The following SDK1 variants were observed in gnomAD, a reference collection of about 807,000 sequenced individuals.
SDK1 encodes protein sidekick-1.
A neutral mutation model predicts 245.5 loss-of-function variants in SDK1; 157 were observed. The observed-to-expected ratio is 0.64, with a 90% CI of 0.56 to 0.73. SDK1 has a LOEUF of 0.73. Among genes scored for constraint, SDK1 ranks in the 30% least tolerant of loss-of-function variants. The pLI is 0.00. For missense variants in SDK1, 3,583 were observed against 3,002.3 expected, an observed-to-expected ratio of 1.19 and a Z score of -4.52; for synonymous variants, 1,647 against 1,278.5, an observed-to-expected ratio of 1.29 and a Z score of -6.15.
At chr7:4,036,127 G>A (rs568054248) in intron 17 of SDK1, among the ~76,000 whole-genome samples, 9 of 152,236 alleles carry the variant, frequency 5.9e-5, no homozygotes, top group East Asian at 5.8e-4. Context: ...TTTGAAAGCC[G>A]CAATTGACAA....
chr7:3,944,366 C>T (rs942451121), intron 5 of SDK1, among the ~76,000 whole-genome samples: 1 of 152,192 alleles, frequency 6.6e-6, no homozygotes, highest in Non-Finnish European at 1.5e-5. Context: ...AATAGAATTC[C>T]TTTCTCTACT....
At chr7:3,359,122 G>T (rs1780885934) in intron 1 of SDK1, among the ~76,000 whole-genome samples, 1 of 152,134 alleles carries the variant, frequency 6.6e-6, no homozygotes, top group South Asian at 2.1e-4. Flanking sequence ...TGATCACGCA[G>T]GTCAATTGGA....
chr7:3,368,717 C>T (rs1278037240), intron 1 of SDK1, among the ~76,000 whole-genome samples: 2 of 152,134 alleles, frequency 1.3e-5, no homozygotes, highest in East Asian at 1.9e-4. Context: ...ACTGTCTGTG[C>T]CACCTCTGTC....
intron 4 of SDK1, among the ~76,000 whole-genome samples, chr7:3,818,983 A>T (rs958761922): frequency 6.6e-6 from 1 of 152,188 alleles, no homozygotes; most frequent in Non-Finnish European, 1.5e-5. Flanking sequence ...AGAAGACAGG[A>T]TGGGCACACG....
In SDK1 at chr7:3,502,008, A is replaced by G. The variant is rs186739060; in HGVS notation, c.299-117072A>G. Among the ~76,000 whole-genome samples the G allele has an allele frequency of 2.4e-3, 370 of 152,294 alleles. 3 individuals carry two copies. Among genetic ancestry groups the G allele is most frequent in the South Asian group, 0.018 (87 of 4,828 alleles). On this transcript the variant is annotated intron_variant, in intron 1 of 44. Transcript: ENST00000404826. ...AACAGCTGGATTTCTAGTGATAGGC[A>G]AACTTTTAACAAAAATTCCAATTAC...
At chr7:3,539,305 G>T (rs1024360822) in intron 1 of SDK1, among the ~76,000 whole-genome samples, 1 of 152,134 alleles carries the variant, frequency 6.6e-6, no homozygotes, top group Admixed American at 6.5e-5. Flanking sequence ...GAGAGAGTTG[G>T]TGCTTAGTTT....
intron 1 of SDK1, among the ~76,000 whole-genome samples, chr7:3,413,372 G>A (rs985349859): frequency 6.6e-6 from 1 of 152,186 alleles, no homozygotes; most frequent in Non-Finnish European, 1.5e-5. Context: ...TTTCAAATAT[G>A]GATGTGATGT....
chr7:4,110,601 C>G (rs1783275584), intron 22 of SDK1, 62 bp from the exon 23 acceptor site: 1 of 1,219,766 alleles, frequency 8.2e-7, no homozygotes, highest in Non-Finnish European at 1.2e-6. Flanking sequence ...TGCACATGGT[C>G]TACATGGCAG....
At chr7:3,734,114 C>T (rs1034381279) in intron 4 of SDK1, among the ~76,000 whole-genome samples, 1 of 152,190 alleles carries the variant, frequency 6.6e-6, no homozygotes, top group Non-Finnish European at 1.5e-5. Flanking sequence ...GAACACATCT[C>T]ATCTTCTTCA....
chr7:3,593,207 C>T (rs1780940365), intron 1 of SDK1, among the ~76,000 whole-genome samples: 1 of 152,182 alleles, frequency 6.6e-6, no homozygotes, highest in African/African-American at 2.4e-5. Flanking sequence ...TATGCAGCAG[C>T]CCTTTTCTCA....
chr7:3,951,612 C>G, intron 6 of SDK1, 118 bp from the exon 7 acceptor site: 1 of 823,310 alleles, frequency 1.2e-6, no homozygotes. Flanking sequence ...CGTTGTTCAA[C>G]CCACCATGCA....
rs951400970 is a variant in SDK1, at chr7:4,162,186, G to A, written c.4800+330G>A. Reference sequence around the variant, plus strand: ...TATGTCTTGGCATTTCACCGAGGACGTTGGAGCAAGGCTTCTGTGTATACA... The same window carrying A: ...TATGTCTTGGCATTTCACCGAGGACATTGGAGCAAGGCTTCTGTGTATACA... On this transcript the variant is annotated intron_variant, in intron 32 of 44. Transcript: ENST00000404826. Among the ~76,000 whole-genome samples the A allele has an allele frequency of 8.5e-5, 13 of 152,198 alleles. No individual in the cohort carries two copies. In the East Asian group the frequency reaches 1.9e-3, roughly 23 times the overall value.
intron 25 of SDK1, among the ~76,000 whole-genome samples, chr7:4,124,312 G>A (rs1784244392): frequency 6.6e-6 from 1 of 152,200 alleles, no homozygotes; most frequent in Non-Finnish European, 1.5e-5. Context: ...GGAGGTGTTG[G>A]CAGGGCCATG....
chr7:3,454,827 C>A (rs1046344440), intron 1 of SDK1, among the ~76,000 whole-genome samples: 1 of 152,234 alleles, frequency 6.6e-6, no homozygotes, highest in Middle Eastern at 3.4e-3. Context: ...ACATCACTTT[C>A]CATTTCTCTA....
chr7:3,431,480 G>A (rs1014917251), intron 1 of SDK1, among the ~76,000 whole-genome samples: 1 of 151,224 alleles, frequency 6.6e-6, no homozygotes, highest in African/African-American at 2.4e-5. Context: ...CTATGAGTAA[G>A]GCTCTGCCTT....
intron 29 of SDK1, 44 bp downstream of exon 29, chr7:4,145,960 A>C: frequency 7.2e-6 from 11 of 1,520,740 alleles, no homozygotes; most frequent in South Asian, 2.5e-5. Context: ...TGTTGTGGGC[A>C]CAGCTTCCTC....
intron 5 of SDK1, among the ~76,000 whole-genome samples, chr7:3,824,514 C>T (rs1184561387): frequency 6.6e-6 from 1 of 152,196 alleles, no homozygotes; most frequent in Non-Finnish European, 1.5e-5. Flanking sequence ...TGCAGCCCCG[C>T]CTCTTGTTTG....
intron 19 of SDK1, among the ~76,000 whole-genome samples, chr7:4,058,820 C>G (rs1323101404): frequency 1.3e-5 from 2 of 152,198 alleles, no homozygotes; most frequent in Admixed American, 6.5e-5. Flanking sequence ...GAATTCATCT[C>G]CACTGGACTG....
chr7:3,786,404 T>A (rs1780900776), intron 4 of SDK1, among the ~76,000 whole-genome samples: 4 of 152,206 alleles, frequency 2.6e-5, no homozygotes, highest in African/African-American at 7.2e-5. Flanking sequence ...GCTTTTCTCC[T>A]CTTTCTCACT....
Sources: allele counts gnomAD v4.1 joint callset (sites outside exome capture counted in the v4.1 genomes callset), GRCh38; gene constraint gnomAD v4.1.1; transcripts MANE v1.5; gene names NCBI Gene and HGNC (gene_info 2026-07-23, HGNC 2026-07-21).